Variants in BRWD1 observed in about 807,000 individuals in gnomAD.
The protein encoded by BRWD1 is bromodomain and WD repeat domain containing 1, also known as bromodomain and WD repeat-containing protein 1.
BRWD1 carries 82 observed loss-of-function variants against 251.2 expected under a neutral mutation model. That is an observed-to-expected ratio of 0.33 (90% CI 0.27 to 0.39). BRWD1 has a LOEUF of 0.39. BRWD1 is among the 10% of genes least tolerant of loss of function. BRWD1 has a pLI of 1.00. For synonymous variants in BRWD1, 918 were observed against 902.8 expected (o/e 1.02, Z -0.30); for missense variants, 2,233 against 2,711.6 (o/e 0.82, Z 3.92).
intron 8 of BRWD1, among the ~76,000 whole-genome samples, chr21:39,284,977 A>AT: frequency 6.6e-6 from 1 of 152,290 alleles, no homozygotes; most frequent in Admixed American, 6.5e-5. Context: ...TTGGGTGTAT[A>AT]TCCAAAGGGA....
chr21:39,316,864 G>A (rs1206298087), upstream of BRWD1, among the ~76,000 whole-genome samples: 1 of 151,698 alleles, frequency 6.6e-6, no homozygotes, highest in Non-Finnish European at 1.5e-5. Flanking sequence ...CTAGAGCCGG[G>A]GGGGATTGAC....
chr21:39,272,605 T>G (rs539971738), intron 13 of BRWD1, among the ~76,000 whole-genome samples: 9 of 150,822 alleles, frequency 6.0e-5, no homozygotes, highest in Non-Finnish European at 1.2e-4. Flanking sequence ...AGTAATAACA[T>G]TGCTTTTTTT....
chr21:39,199,346 T>C lies in BRWD1; in HGVS notation c.5070A>G (p.Glu1690=), dbSNP rs149287073. The C allele has an allele frequency of 9.8e-5, 158 of 1,614,112 alleles. 2 individuals are homozygous for C. In the East Asian group the frequency reaches 3.2e-3, roughly 33 times the overall value. Residue 1690 remains glutamate (E), a synonymous_variant, in exon 40 of 41, where the codon GAA becomes GAG. Transcript: ENST00000342449. The part of the protein sequence containing the change: ...DEQSLKSEIE[E]EELKDENQLL... The stretch of plus-strand genomic sequence containing the variant: ...GTTGATTTTCATCTTTTAGCTCCTC[T>C]TCTTCAATTTCTGACTTTAAGCTCT...
At chr21:39,274,517 C>A (rs1229037762) in intron 12 of BRWD1, 45 bp from the exon 13 acceptor site, 1 of 1,412,392 alleles carries the variant, frequency 7.1e-7, no homozygotes, top group Non-Finnish European at 1.0e-6. Flanking sequence ...ACACACTTTC[C>A]AACAAGGGCT....
chr21:39,244,908 A>C (rs1322623091), intron 21 of BRWD1, among the ~76,000 whole-genome samples: 3 of 139,782 alleles, frequency 2.1e-5, no homozygotes, highest in Admixed American at 7.4e-5. Flanking sequence ...TTACATATAG[A>C]AACTTTGGAA....
intron 13 of BRWD1, among the ~76,000 whole-genome samples, chr21:39,272,527 CA>C (rs571429006): frequency 1.9e-4 from 25 of 129,896 alleles, no homozygotes; most frequent in Non-Finnish European, 1.7e-4. Context: ...ACTCTGTCTC[CA>C]AAAAAAAAAG....
In BRWD1 at chr21:39,196,382, T is replaced by C; in HGVS notation, c.6687A>G (p.Lys2229=). ...TTATTTTTGAACGTCGAAGAACTCT[T>C]TTAGATTTTGCATAGTCCAAATCCT... ...DWEDLDYAKS[K]RVLRRSKIKT... Residue 2229 remains lysine (K), a synonymous_variant, in exon 41 of 41, where the codon AAA becomes AAG. Coordinates refer to ENST00000342449, the MANE Select transcript of BRWD1 (RefSeq NM_033656.4). The C allele has an allele frequency of 2.5e-6, 4 of 1,613,808 alleles. No homozygotes were observed. Among genetic ancestry groups the C allele is most frequent in the Non-Finnish European group, 3.4e-6 (4 of 1,179,752 alleles).
chr21:39,285,987 T>G (rs1019648354), intron 8 of BRWD1, among the ~76,000 whole-genome samples: 1 of 146,322 alleles, frequency 6.8e-6, no homozygotes, highest in Admixed American at 6.9e-5. Context: ...GAGATAAAAA[T>G]TCACATAACA....
At position 39,236,652 on chromosome 21, in the gene BRWD1, A is replaced by T; in HGVS notation, c.2709T>A (p.Asn903Lys). Residue 903 changes from asparagine to lysine, a missense_variant, in exon 23 of 41, where the codon AAT (asparagine) becomes AAA (lysine). Around this residue, in one of 12 missense-constraint regions of BRWD1, gnomAD observed 214 missense variants for 222.0 expected, o/e 0.96. Coordinates refer to ENST00000342449, the MANE Select transcript of BRWD1 (RefSeq NM_033656.4). Reference sequence around the variant, plus strand: ...TTCGTCTTCTTTTTGGAGGAGATAAATTCTCAGTAGATATTTCATCTTCTG... The same window carrying T: ...TTCGTCTTCTTTTTGGAGGAGATAATTTCTCAGTAGATATTTCATCTTCTG... ...SSSEDEISTE[N>K]LSPPKRRRKR... The T allele has an allele frequency of 6.2e-7, 1 of 1,613,646 alleles. No homozygotes were observed. Among genetic ancestry groups the T allele is most frequent in the Non-Finnish European group, 8.5e-7 (1 of 1,179,726 alleles).
chr21:39,212,748 AT>A, intron 33 of BRWD1, 41 bp from the exon 34 acceptor site: 1 of 1,344,500 alleles, frequency 7.4e-7, no homozygotes, highest in Non-Finnish European at 1.0e-6. Context: ...TTAGAGTCTC[AT>A]TAGAAAATAA....
intron 21 of BRWD1, among the ~76,000 whole-genome samples, chr21:39,243,685 A>T (rs1385605831): frequency 6.6e-6 from 1 of 152,046 alleles, no homozygotes; most frequent in African/African-American, 2.4e-5. Flanking sequence ...TCCTGGGCTC[A>T]AGCCATCCTC....
Position 39,210,983 on chromosome 21 carries a change from G to A in BRWD1, c.3901-54C>T, listed in dbSNP as rs1601281685. 15 of 1,514,112 alleles carry A rather than the reference G, an allele frequency of 9.9e-6. No individual in the cohort carries two copies. In the East Asian group the frequency reaches 2.6e-4, roughly 27 times the overall value. 93.8% of individuals were successfully genotyped at this position (1,514,112 alleles called of 1,614,324 possible). On this transcript the variant is annotated intron_variant, in intron 34 of 40. Transcript: ENST00000342449. ...AATCACACTATTGGTGTAAGACTGT[G>A]GTAAAAATGTAACTGATCTACTGTC...
Position 39,284,456 on chromosome 21 carries a change from C to A in BRWD1, c.832-4208G>T, listed in dbSNP as rs548739585. On this transcript the variant is annotated intron_variant, in intron 8 of 40. Transcript: ENST00000342449. ...TTACACCACTGCACTCCAGCCTGGG[C>A]AACAGAGAGAGAACCTGCCTCTGGG... Among the ~76,000 whole-genome samples, 55 of 152,316 alleles carry A rather than the reference C, an allele frequency of 3.6e-4. 2 individuals carry two copies. Among genetic ancestry groups the A allele is most frequent in the African/African-American group, 1.2e-3 (50 of 41,576 alleles).
intron 36 of BRWD1, among the ~76,000 whole-genome samples, chr21:39,208,332 G>A (rs8130320): frequency 0.47 from 71,722 of 151,922 alleles, 17,092 homozygotes; most frequent in Admixed American, 0.53. Context: ...GCTTGGAAAC[G>A]TTAGCCTTGA....
intron 30 of BRWD1, 84 bp from the exon 31 acceptor site, chr21:39,218,356 G>T: frequency 6.7e-7 from 1 of 1,492,738 alleles, no homozygotes; most frequent in South Asian, 1.4e-5. Flanking sequence ...CATAAGATAT[G>T]GCTACATTTA....
In BRWD1 at chr21:39,286,714, T is replaced by C. The variant is rs530847541; in HGVS notation, c.832-6466A>G. Among the ~76,000 whole-genome samples, 166 of 151,366 alleles carry C rather than the reference T, an allele frequency of 1.1e-3. 1 individual carries two copies. The highest frequency in any genetic ancestry group is 3.8e-3 in the African/African-American group (157 of 41,266). ...TATTTTTAATACAGACAGGGTTTCA[T>C]TATGTTGGTCAGGCTGGTCTGAAAC... On this transcript the variant is annotated intron_variant, in intron 8 of 40. Coordinates refer to ENST00000342449, the MANE Select transcript of BRWD1 (RefSeq NM_033656.4).
Position 39,195,168 on chromosome 21 carries a change from C to A in BRWD1, c.*1091G>T. 9.3e-7 allele frequency: 1 copy of A among 1,071,946 alleles called. No homozygotes were observed. Among genetic ancestry groups the A allele is most frequent in the Non-Finnish European group, 1.1e-6 (1 of 884,696 alleles). The allele number at this position is 1,071,946 out of a possible 1,614,324, so 66.4% of individuals were successfully genotyped here. ...ATAAAGATACATTTAGTTGCCCCAG[C>A]AAAGAATGCTTAGGATTGCACATGG... On this transcript the variant is annotated 3_prime_UTR_variant, in exon 41 of 41. Transcript: ENST00000342449.
Position 39,199,394 on chromosome 21 carries a change from T to G in BRWD1, c.5022A>C (p.Leu1674Phe). Residue 1674 changes from leucine (L) to phenylalanine (F), a missense_variant, in exon 40 of 41, where the codon TTA becomes TTC. This residue lies in a region of BRWD1 where 928 missense variants were observed against 970.0 expected (regional missense o/e 0.96). Coordinates refer to ENST00000342449, the MANE Select transcript of BRWD1 (RefSeq NM_033656.4). ...TCTGTTCATCTTCAGAATTATGTAA[T>G]AACTTTTTTCTAGCTACAGCAGAAG... ...RNASAVARKK[L>F]LHNSEDEQSL... is the part of the protein sequence containing the mutation. 6.2e-7 allele frequency: 1 copy of G among 1,614,256 alleles called. No individual in the cohort carries two copies. The highest frequency in any genetic ancestry group is 8.5e-7 in the Non-Finnish European group (1 of 1,180,046).
chr21:39,223,610 G>A lies in BRWD1; in HGVS notation c.3382+798C>T, dbSNP rs1473520837. On this transcript the variant is annotated intron_variant, in intron 29 of 40. Transcript: ENST00000342449. ...GTAGGAGGAAATTAAAATTGTTGGA[G>A]GGGATGAGCTAAGTGTAGGTACCAG... is the stretch of plus-strand genomic sequence containing the variant. Among the ~76,000 whole-genome samples the A allele has an allele frequency of 2.0e-5, 3 of 152,328 alleles. No homozygotes were observed. The East Asian group carries it at 5.8e-4, about 29-fold the overall frequency.
Sources: allele counts gnomAD v4.1 joint callset (sites outside exome capture counted in the v4.1 genomes callset), GRCh38; gene constraint gnomAD v4.1.1; regional missense constraint gnomAD v4.1.1; transcripts MANE v1.5; gene names NCBI Gene and HGNC (gene_info 2026-07-23, HGNC 2026-07-21).